The following PCDH15 variants were observed in gnomAD, a reference collection of about 807,000 sequenced individuals.
PCDH15 encodes protocadherin-15.
Under a neutral mutation model 178.5 loss-of-function variants are expected in PCDH15, and 129 were observed. The ratio of observed to expected loss-of-function variants is 0.72; its 90% CI spans 0.63 to 0.84. The LOEUF is 0.84. PCDH15 is among the 40% of genes least tolerant of loss of function. The probability of loss-of-function intolerance (pLI) is 0.00; values close to 1 mark genes in which losing one functional copy is unlikely to be tolerated. For missense variants in PCDH15, 2,230 were observed against 2,099.9 expected (o/e 1.06, Z -1.21); for synonymous variants, 800 against 732.0 (o/e 1.09, Z -1.50).
At chr10:55,036,587 T>G (rs1840739380) in intron 2 of PCDH15, among the ~76,000 whole-genome samples, 2 of 152,086 alleles carry the variant, frequency 1.3e-5, no homozygotes. Flanking sequence ...AGTATATCCC[T>G]CCTCAGCCAC....
chr10:55,137,664 A>G (rs140989299), intron 2 of PCDH15, among the ~76,000 whole-genome samples: 6 of 152,258 alleles, frequency 3.9e-5, no homozygotes, highest in Non-Finnish European at 4.4e-5. Context: ...TATGTGCTGA[A>G]TATTAACAAA....
intron 27 of PCDH15, among the ~76,000 whole-genome samples, chr10:53,861,110 T>C (rs2079080191): frequency 6.6e-6 from 1 of 152,154 alleles, no homozygotes; most frequent in Non-Finnish European, 1.5e-5. Flanking sequence ...AAATTCTACA[T>C]CCTAACTCTG....
chr10:53,956,720 A>G (rs2087647853), intron 23 of PCDH15, among the ~76,000 whole-genome samples: 1 of 152,122 alleles, frequency 6.6e-6, no homozygotes, highest in South Asian at 2.1e-4. Flanking sequence ...ATAACAAATG[A>G]ACTGGGATAA....
chr10:54,969,511 T>C (rs1192543105), intron 2 of PCDH15, among the ~76,000 whole-genome samples: 3 of 152,316 alleles, frequency 2.0e-5, no homozygotes, highest in Middle Eastern at 3.4e-3. Flanking sequence ...GTAGTTTCCT[T>C]AGATGTCTGT....
chr10:55,051,130 C>A (rs1841150507), intron 2 of PCDH15, among the ~76,000 whole-genome samples: 1 of 151,974 alleles, frequency 6.6e-6, no homozygotes, highest in Non-Finnish European at 1.5e-5. Flanking sequence ...TCTCAATTCC[C>A]AGCACTGTGA....
At chr10:55,090,984 A>G (rs1842303423) in intron 2 of PCDH15, among the ~76,000 whole-genome samples, 1 of 152,022 alleles carries the variant, frequency 6.6e-6, no homozygotes, top group African/African-American at 2.4e-5. Context: ...GCTCCATGAA[A>G]CAATGTCTGA....
intron 8 of PCDH15, among the ~76,000 whole-genome samples, chr10:54,240,459 T>C (rs1282537050): frequency 6.6e-6 from 1 of 151,936 alleles, no homozygotes; most frequent in African/African-American, 2.4e-5. Flanking sequence ...ATAGTATCCT[T>C]ATAATGAACC....
At chr10:53,900,137 C>T (rs977250619) in intron 26 of PCDH15, among the ~76,000 whole-genome samples, 9 of 151,946 alleles carry the variant, frequency 5.9e-5, no homozygotes, top group East Asian at 1.9e-4. Flanking sequence ...AGACAATTTG[C>T]GCTCTGCTAC....
chr10:55,008,462 T>C (rs1200579138), intron 2 of PCDH15, among the ~76,000 whole-genome samples: 2 of 152,178 alleles, frequency 1.3e-5, no homozygotes, highest in Non-Finnish European at 2.9e-5. Context: ...GTTTGGATAA[T>C]TTAAATGTTT....
intron 2 of PCDH15, among the ~76,000 whole-genome samples, chr10:55,113,830 AG>A (rs1837567161): frequency 6.6e-6 from 1 of 152,208 alleles, no homozygotes; most frequent in South Asian, 2.1e-4. Flanking sequence ...CATCAGAGAG[AG>A]GTATGTAGAT....
chr10:54,233,526 C>T (rs12412208), intron 9 of PCDH15, among the ~76,000 whole-genome samples: 3,369 of 152,190 alleles, frequency 0.022, 51 homozygotes, highest in Non-Finnish European at 0.033. Flanking sequence ...TTCAATTTAA[C>T]GATATTGGTT....
intron 13 of PCDH15, among the ~76,000 whole-genome samples, chr10:54,163,755 T>C (rs545250127): frequency 3.9e-5 from 6 of 152,112 alleles, no homozygotes; most frequent in Non-Finnish European, 7.4e-5. Context: ...GAACATTCTT[T>C]TTCAATAACT....
At chr10:53,983,764 T>A (rs560269425) in intron 21 of PCDH15, among the ~76,000 whole-genome samples, 1 of 152,178 alleles carries the variant, frequency 6.6e-6, no homozygotes, top group South Asian at 2.1e-4. Context: ...ACTTTCCTAA[T>A]ACAAAAAATT....
intron 2 of PCDH15, among the ~76,000 whole-genome samples, chr10:55,155,581 AT>A (rs1032429942): frequency 2.7e-4 from 41 of 151,906 alleles, no homozygotes; most frequent in African/African-American, 8.4e-4. Context: ...TTCAGGCCTC[AT>A]TTAGGGGCAA....
chr10:55,137,160 G>A (rs529420969), intron 2 of PCDH15, among the ~76,000 whole-genome samples: 12 of 152,094 alleles, frequency 7.9e-5, no homozygotes, highest in South Asian at 4.2e-4. Flanking sequence ...GTCATGTACC[G>A]CATGATATTT....
intron 3 of PCDH15, among the ~76,000 whole-genome samples, chr10:54,453,500 G>A (rs2076614025): frequency 6.6e-6 from 1 of 151,830 alleles, no homozygotes; most frequent in Non-Finnish European, 1.5e-5. Flanking sequence ...ACCAGGGCCT[G>A]TTGTGGGGTT....
At chr10:54,827,594 T>C (rs1953152589) in intron 3 of PCDH15, among the ~76,000 whole-genome samples, 1 of 152,098 alleles carries the variant, frequency 6.6e-6, no homozygotes, top group African/African-American at 2.4e-5. Context: ...TAAATTTCAT[T>C]CCTTTTTCTC....
At chr10:53,901,253 C>T (rs191764961) in intron 26 of PCDH15, among the ~76,000 whole-genome samples, 1 of 152,150 alleles carries the variant, frequency 6.6e-6, no homozygotes, top group East Asian at 1.9e-4. Flanking sequence ...AATGCCTTGC[C>T]AAGAATTAGG....
At chr10:54,299,430 A>G (rs1419080202) in intron 8 of PCDH15, among the ~76,000 whole-genome samples, 1 of 152,212 alleles carries the variant, frequency 6.6e-6, no homozygotes, top group African/African-American at 2.4e-5. Context: ...TTTAAAAGCC[A>G]GGGTAAATTT....
Sources: allele counts gnomAD v4.1 joint callset (sites outside exome capture counted in the v4.1 genomes callset), GRCh38; gene constraint gnomAD v4.1.1; transcripts MANE v1.5; gene names NCBI Gene and HGNC (gene_info 2026-07-23, HGNC 2026-07-21).